SEPTIN14: variants seen among roughly 807,000 people sequenced by gnomAD.
SEPTIN14 encodes the protein septin-14.
A neutral mutation model predicts 53.6 loss-of-function variants in SEPTIN14; 40 were observed. The observed-to-expected ratio is 0.75, with a 90% CI of 0.58 to 0.97. SEPTIN14 has a LOEUF of 0.97. SEPTIN14 is among the 50% of genes least tolerant of loss of function. The pLI is 0.00. For synonymous variants in SEPTIN14, 138 were observed against 166.8 expected (o/e 0.83, Z 1.33); for missense variants, 471 against 508.2 (o/e 0.93, Z 0.70).
chr7:55,838,497 T>G (rs1038106105), intron 5 of SEPTIN14, among the ~76,000 whole-genome samples: 5 of 149,090 alleles, frequency 3.4e-5, no homozygotes, highest in Non-Finnish European at 6.0e-5. Flanking sequence ...TCCTTCTTTC[T>G]TTTCTTCCTT....
At chr7:55,839,506 G>A (rs990702772) in intron 5 of SEPTIN14, among the ~76,000 whole-genome samples, 4 of 151,612 alleles carry the variant, frequency 2.6e-5, no homozygotes, top group African/African-American at 7.3e-5. Flanking sequence ...TGTTAGCTTC[G>A]GTCTGCATCT....
Position 55,834,597 on chromosome 7 carries a change from A to C in SEPTIN14, c.559-11T>G. ...TGGTATAATATTCACCTATGAAGAA[A>C]GAAGACAAACAAAATCTCATCATTG... On this transcript the variant is annotated splice_polypyrimidine_tract_variant and intron_variant, in intron 5 of 9. Coordinates refer to ENST00000388975, the MANE Select transcript of SEPTIN14 (RefSeq NM_207366.3). The C allele has an allele frequency of 6.3e-7, 1 of 1,575,428 alleles. No homozygotes were observed. The highest frequency in any genetic ancestry group is 8.6e-7 in the Non-Finnish European group (1 of 1,163,020).
At chr7:55,823,889 T>C (rs1392358270) in intron 6 of SEPTIN14, among the ~76,000 whole-genome samples, 1 of 32,132 alleles carries the variant, frequency 3.1e-5, no homozygotes, top group Admixed American at 2.3e-4. Flanking sequence ...AGGTAAATTC[T>C]TTTTTTTTTT....
chr7:55,832,246 A>ACAC (rs1789122442), intron 6 of SEPTIN14, among the ~76,000 whole-genome samples: 1 of 146,412 alleles, frequency 6.8e-6, no homozygotes, highest in African/African-American at 2.6e-5. Context: ...CACACACACA[A>ACAC]AATAAGATAT....
At chr7:55,807,794 G>A (rs1184974871) in intron 7 of SEPTIN14, among the ~76,000 whole-genome samples, 2 of 152,048 alleles carry the variant, frequency 1.3e-5, no homozygotes, top group African/African-American at 4.8e-5. Context: ...CATACAGACT[G>A]ACAGTGAAGA....
chr7:55,818,237 C>T (rs761405744), intron 7 of SEPTIN14, among the ~76,000 whole-genome samples: 4 of 151,886 alleles, frequency 2.6e-5, no homozygotes, highest in African/African-American at 9.7e-5. Flanking sequence ...TTTGGGAGGC[C>T]GAGGCAGGTG....
rs1300137305 is a variant in SEPTIN14, at chr7:55,795,037, C to T, written c.*876G>A. 1 of 152,180 alleles carries T rather than the reference C, an allele frequency of 6.6e-6. No individual in the cohort carries two copies. The highest frequency in any genetic ancestry group is 2.4e-5 in the African/African-American group (1 of 41,446). 9.4% of individuals were successfully genotyped at this position (152,180 alleles called of 1,614,324 possible). Reference sequence around the variant, plus strand: ...CATTCAAATGCAACTCTTTCTCTAGCTTTTGAATTCTTTATTCTAATATCA... The same window carrying T: ...CATTCAAATGCAACTCTTTCTCTAGTTTTTGAATTCTTTATTCTAATATCA... On this transcript the variant is annotated 3_prime_UTR_variant, in exon 10 of 10. Transcript: ENST00000388975.
intron 2 of SEPTIN14, among the ~76,000 whole-genome samples, chr7:55,851,556 A>T (rs996790009): frequency 1.3e-5 from 2 of 152,228 alleles, no homozygotes; most frequent in Non-Finnish European, 2.9e-5. Context: ...AAACTATAAA[A>T]TACTGATGCA....
intron 2 of SEPTIN14, among the ~76,000 whole-genome samples, chr7:55,848,079 A>T (rs1003614289): frequency 2.0e-5 from 3 of 152,210 alleles, no homozygotes; most frequent in Non-Finnish European, 2.9e-5. Context: ...TATATGTGAG[A>T]ATAAAGGAAT....
chr7:55,825,859 T>A (rs1370728181), intron 6 of SEPTIN14, among the ~76,000 whole-genome samples: 1 of 151,912 alleles, frequency 6.6e-6, no homozygotes, highest in Non-Finnish European at 1.5e-5. Context: ...TCCCAGCACT[T>A]TGGGAGGCCG....
chr7:55,844,399 T>C, intron 4 of SEPTIN14, 124 bp downstream of exon 4: 2 of 479,820 alleles, frequency 4.2e-6, no homozygotes, highest in Non-Finnish European at 7.3e-6. Flanking sequence ...GAAAAGAACA[T>C]TACTTAGGAA....
intron 3 of SEPTIN14, among the ~76,000 whole-genome samples, chr7:55,845,921 C>A (rs1037099722): frequency 6.7e-6 from 1 of 148,922 alleles, no homozygotes; most frequent in Admixed American, 6.7e-5. Flanking sequence ...TATTGGCGGG[C>A]GCCTGTAGTC....
chr7:55,848,493 C>T (rs1178158597), intron 2 of SEPTIN14, among the ~76,000 whole-genome samples: 9 of 151,632 alleles, frequency 5.9e-5, no homozygotes, highest in Non-Finnish European at 1.5e-5. Context: ...GACGGGGTCG[C>T]ACCATGTTGC....
In SEPTIN14 at chr7:55,843,506, T is replaced by C. The variant is rs2012287; in HGVS notation, c.372-378A>G. Among the ~76,000 whole-genome samples the C allele has an allele frequency of 1.7e-3, 253 of 152,288 alleles. 1 individual carries two copies. The highest frequency in any genetic ancestry group is 5.8e-3 in the African/African-American group (242 of 41,572). On this transcript the variant is annotated intron_variant, in intron 4 of 9. Transcript: ENST00000388975. ...TACAAGGCAAAACCACAATGAGATA[T>C]CATCTTATCTCAGTCAGAATGGCTA...
intron 4 of SEPTIN14, among the ~76,000 whole-genome samples, chr7:55,843,526 T>A (rs1488543450): frequency 2.0e-5 from 3 of 152,180 alleles, no homozygotes; most frequent in Admixed American, 2.0e-4. Flanking sequence ...TCAGTCAGAA[T>A]GGCTATTGTT....
chr7:55,813,688 T>C (rs1329843110), intron 7 of SEPTIN14, among the ~76,000 whole-genome samples: 1 of 152,114 alleles, frequency 6.6e-6, no homozygotes, highest in African/African-American at 2.4e-5. Flanking sequence ...GAGAACTTTA[T>C]CTTACAACTT....
chr7:55,817,716 C>T (rs1453041148), intron 7 of SEPTIN14, among the ~76,000 whole-genome samples: 56 of 151,944 alleles, frequency 3.7e-4, no homozygotes, highest in African/African-American at 1.2e-3. Flanking sequence ...ATGATCCGCC[C>T]GCTTCAGCCT....
At chr7:55,832,727 G>C (rs977661437) in intron 6 of SEPTIN14, among the ~76,000 whole-genome samples, 9 of 152,104 alleles carry the variant, frequency 5.9e-5, no homozygotes, top group African/African-American at 2.2e-4. Context: ...GGAAACAATA[G>C]ATAGTGAGAC....
intron 9 of SEPTIN14, among the ~76,000 whole-genome samples, chr7:55,799,599 T>C (rs1190448613): frequency 1.3e-5 from 2 of 150,058 alleles, no homozygotes; most frequent in African/African-American, 2.5e-5. Flanking sequence ...AGGGCAGGTA[T>C]ACTTATTGCA....
Sources: gnomAD v4.1 joint callset for allele counts (sites outside exome capture counted in the v4.1 genomes callset) on GRCh38, gnomAD v4.1.1 for gene constraint, MANE v1.5 for transcripts, NCBI Gene and HGNC (gene_info 2026-07-23, HGNC 2026-07-21) for gene names.